Variants in TMC3 observed in about 807,000 individuals in gnomAD.
The protein encoded by TMC3 is transmembrane channel-like protein 3.
In TMC3, 98 loss-of-function variants were observed where a neutral mutation model predicts 110.6. The observed-to-expected ratio is 0.89, with a 90% CI of 0.75 to 1.05. TMC3 has a LOEUF of 1.05. Among genes scored for constraint, TMC3 ranks in the 50% least tolerant of loss-of-function variants. The probability of loss-of-function intolerance (pLI) is 0.00; values close to 1 mark genes in which losing one functional copy is unlikely to be tolerated. For missense variants in TMC3, 1,319 were observed against 1,373.2 expected (o/e 0.96, Z 0.62); for synonymous variants, 489 against 513.1 (o/e 0.95, Z 0.63).
At chr15:81,350,278 CA>C (rs1246457221) in intron 10 of TMC3, among the ~76,000 whole-genome samples, 2 of 152,106 alleles carry the variant, frequency 1.3e-5, no homozygotes, top group Non-Finnish European at 2.9e-5. Context: ...ACATTTTCCC[CA>C]ATTACCATCT....
rs1313382252 is a variant in TMC3, at chr15:81,353,099, GGT to G, written c.936-1260_936-1259del. 3.3e-5 allele frequency among the ~76,000 whole-genome samples: 5 copies of G among 152,244 alleles called. No individual in the cohort carries two copies. The East Asian group carries it at 9.6e-4, about 29-fold the overall frequency. On this transcript the variant is annotated intron_variant, in intron 9 of 21. Transcript: ENST00000359440. ...GGCCTCCCAAAGTGCTGGGATTACA[GGT>G]GTGTGCCACCACATCCGGCCTGGTC...
At chr15:81,364,471 G>C (rs953359159) in intron 3 of TMC3, among the ~76,000 whole-genome samples, 1 of 141,908 alleles carries the variant, frequency 7.0e-6, no homozygotes. Flanking sequence ...TCATAGGTGG[G>C]AATTGAACAA....
rs750270036 is a variant in TMC3, at chr15:81,332,565, G to GCTGGTCA, written c.3150_3156dup (p.Gln1053Ter). 6.2e-7 allele frequency: 1 copy of GCTGGTCA among 1,613,992 alleles called. No individual in the cohort carries two copies. Among genetic ancestry groups the GCTGGTCA allele is most frequent in the Non-Finnish European group, 8.5e-7 (1 of 1,179,886 alleles). On this transcript the variant is annotated stop_gained and frameshift_variant, in exon 22 of 22. Transcript: ENST00000359440. LOFTEE classifies it low-confidence loss of function (END_TRUNC). ...AGGTACTGGTCAGCGCTGCTGTTCTGCTGGTCACTGCTGGATGCTGCCGAC... is the reference window on the plus strand; with the variant it reads ...AGGTACTGGTCAGCGCTGCTGTTCTGCTGGTCACTGGTCACTGCTGGATGCTGCCGAC...
At chr15:81,368,079 C>T (rs574050161) in intron 3 of TMC3, among the ~76,000 whole-genome samples, 174 bp downstream of exon 3, 2 of 152,220 alleles carry the variant, frequency 1.3e-5, no homozygotes, top group South Asian at 4.1e-4. Flanking sequence ...GGACTACAGG[C>T]GCCTGCCACC....
intron 1 of TMC3, among the ~76,000 whole-genome samples, chr15:81,373,223 A>C (rs1018209585): frequency 2.6e-5 from 4 of 152,124 alleles, no homozygotes; most frequent in Non-Finnish European, 5.9e-5. Flanking sequence ...TCACCCTTTC[A>C]CGTCAATTCA....
intron 20 of TMC3, among the ~76,000 whole-genome samples, chr15:81,335,198 C>G (rs1464740500): frequency 6.6e-6 from 1 of 152,196 alleles, no homozygotes; most frequent in African/African-American, 2.4e-5. Context: ...CAAGTGAACA[C>G]AAGGCTTTAC....
intron 19 of TMC3, 92 bp from the exon 20 acceptor site, chr15:81,336,743 C>T: frequency 1.5e-6 from 2 of 1,311,556 alleles, no homozygotes; most frequent in Non-Finnish European, 2.2e-6. Flanking sequence ...GATTTACATG[C>T]CATAGTTCTT....
intron 19 of TMC3, 65 bp from the exon 20 acceptor site, chr15:81,336,716 C>T (rs1893604865): frequency 6.6e-7 from 1 of 1,525,450 alleles, no homozygotes; most frequent in African/African-American, 1.4e-5. Flanking sequence ...AATATTATTC[C>T]TGGGGGAAGA....
chr15:81,356,420 G>A (rs1398612995), intron 8 of TMC3, 27 bp downstream of exon 8: 15 of 1,553,886 alleles, frequency 9.7e-6, no homozygotes, highest in Middle Eastern at 2.0e-4. Context: ...GCCCACCCCC[G>A]CAGGCTGCAC....
Position 81,358,519 on chromosome 15 carries a change from A to G in TMC3, c.502-19T>C, listed in dbSNP as rs368151655. The G allele has an allele frequency of 1.4e-4, 222 of 1,592,948 alleles. 1 individual carries two copies. Among genetic ancestry groups the G allele is most frequent in the South Asian group, 8.4e-4 (74 of 88,348 alleles). ...CAATCAGCTGGTGAGAGAAGAAAGC[A>G]TGTCATGTGGTCCTCTGGGTGGGAG... On this transcript the variant is annotated intron_variant, in intron 5 of 21. Transcript: ENST00000359440.
At chr15:81,341,587 C>T in intron 15 of TMC3, 69 bp from the exon 16 acceptor site, 5 of 1,522,432 alleles carry the variant, frequency 3.3e-6, no homozygotes, top group Non-Finnish European at 4.4e-6. Context: ...TATGGAAGCC[C>T]CATGCAGGAA....
Position 81,358,230 on chromosome 15 carries a change from C to T in TMC3, c.662G>A (p.Arg221Lys), listed in dbSNP as rs771364855. The change falls in exon 7 of 22, where the codon AGA becomes AAA. Residue 221 changes from arginine to lysine, a missense_variant. Coordinates refer to ENST00000359440, the MANE Select transcript of TMC3 (RefSeq NM_001080532.3). ...CGCCAAGGGCAGCCGGTAGCCAGCT[C>T]TCCCGATCTTCCTCTCCCTGCCGTA... The part of the protein sequence containing the change: ...GYYGRERKIG[R>K]AGYRLPLAYF... The T allele has an allele frequency of 6.2e-7, 1 of 1,613,556 alleles. No individual in the cohort carries two copies. Among genetic ancestry groups the T allele is most frequent in the South Asian group, 1.1e-5 (1 of 90,982 alleles).
chr15:81,351,206 C>A (rs990299177), intron 10 of TMC3, among the ~76,000 whole-genome samples: 4 of 152,142 alleles, frequency 2.6e-5, no homozygotes, highest in African/African-American at 9.7e-5. Flanking sequence ...AATTGCCAAG[C>A]CTTAGTGCTG....
chr15:81,337,794 C>A, intron 19 of TMC3, 52 bp downstream of exon 19: 1 of 1,474,392 alleles, frequency 6.8e-7, no homozygotes, highest in Non-Finnish European at 9.5e-7. Flanking sequence ...GGCGGGATCT[C>A]AGTCATGTGG....
In TMC3 at chr15:81,351,348, CTTTTTTTTT is replaced by C. The variant is rs35807579; in HGVS notation, c.1083+337_1083+345del. On this transcript the variant is annotated intron_variant, in intron 10 of 21. Coordinates refer to ENST00000359440, the MANE Select transcript of TMC3 (RefSeq NM_001080532.3). ...TACTTTTCTGTGTCTCTCTCTCTCT[CTTTTTTTTT>C]TTTTTTTTTTTTTGAGACAGAGTCT... 5.9e-5 allele frequency among the ~76,000 whole-genome samples: 6 copies of C among 101,312 alleles called. No individual in the cohort carries two copies. The East Asian group carries it at 7.9e-4, about 13-fold the overall frequency. 66.5% of individuals were successfully genotyped at this position (101,312 alleles called of 152,430 possible).
intron 15 of TMC3, chr15:81,343,012 T>G: frequency 2.6e-6 from 1 of 382,676 alleles, no homozygotes. Flanking sequence ...TCCCTAAGAG[T>G]GTATTCTACT....
rs766109435 is a variant in TMC3 at position 81,336,665 on chromosome 15, GAT to G, written c.2161-16_2161-15del. 7 of 1,613,606 alleles carry G rather than the reference GAT, an allele frequency of 4.3e-6. No homozygotes were observed. In the Admixed American group the frequency reaches 8.3e-5, roughly 19 times the overall value. ...CTCTGATCTTGCCTAAAATGCAAAT[GAT>G]ATGCATGTTTGTTTTGGCTTTAGCA... is the stretch of plus-strand genomic sequence containing the variant. On this transcript the variant is annotated splice_polypyrimidine_tract_variant and intron_variant, in intron 19 of 21. Transcript: ENST00000359440.
chr15:81,350,897 G>T (rs866978312), intron 10 of TMC3, among the ~76,000 whole-genome samples: 5 of 152,116 alleles, frequency 3.3e-5, no homozygotes, highest in South Asian at 2.1e-4. Flanking sequence ...AACGGGGGTT[G>T]GGGGGGAGAA....
chr15:81,346,510 C>T (rs1322736217), intron 11 of TMC3, 67 bp from the exon 12 acceptor site: 4 of 1,477,744 alleles, frequency 2.7e-6, no homozygotes, highest in Middle Eastern at 1.7e-4. Context: ...CTAGAGCCCC[C>T]ACATGGTTCT....
Sources: allele counts gnomAD v4.1 joint callset (sites outside exome capture counted in the v4.1 genomes callset), GRCh38; gene constraint gnomAD v4.1.1; transcripts MANE v1.5; gene names NCBI Gene and HGNC (gene_info 2026-07-23, HGNC 2026-07-21).